The following SMARCAL1 variants were observed in gnomAD, a reference collection of about 807,000 sequenced individuals.
SMARCAL1 encodes the protein SNF2 related chromatin remodeling annealing helicase 1.
Under a neutral mutation model 94.5 loss-of-function variants are expected in SMARCAL1, and 58 were observed. The ratio of observed to expected loss-of-function variants is 0.61; its 90% confidence interval spans 0.50 to 0.76. The LOEUF is 0.76. Ranked by LOEUF, SMARCAL1 falls within the 30% of genes least tolerant of loss-of-function variation. SMARCAL1 has a pLI of 0.00. For missense variants in SMARCAL1, 1,051 were observed against 1,177.9 expected (o/e 0.89, Z 1.58); for synonymous variants, 422 against 455.1 (o/e 0.93, Z 0.93).
rs2066522 is a variant in SMARCAL1, at chr2:216,420,381, C to G, written c.945C>G (p.Ser315Arg). 46,970 of 1,614,134 alleles carry G rather than the reference C, an allele frequency of 0.029. 884 individuals carry two copies. The highest frequency in any genetic ancestry group is 0.083 in the African/African-American group (6,248 of 75,034). The change falls in exon 5 of 18, where the codon AGC becomes AGG. Residue 315 changes from serine to arginine, a missense_variant. Physicochemically the swap from Ser to Arg is moderately radical, Grantham distance 110. Around this residue, in one of 3 missense-constraint regions of SMARCAL1, gnomAD observed 398 missense variants for 395.2 expected, o/e 1.01. Transcript: ENST00000357276. ...AYGSSESPSTSSEGQAGLPSA... is the reference protein window; with the variant it reads ...AYGSSESPSTRSEGQAGLPSA... ...GCAGCAGCGAGTCACCCTCCACCAG[C>G]AGTGAGGGACAGGCCGGCCTTCCAT...
intron 7 of SMARCAL1, among the ~76,000 whole-genome samples, chr2:216,429,834 C>T (rs1433430895): frequency 6.6e-6 from 1 of 152,106 alleles, no homozygotes; most frequent in Non-Finnish European, 1.5e-5. Flanking sequence ...CATTTCCTTC[C>T]ATCTCTCTTA....
intron 12 of SMARCAL1, among the ~76,000 whole-genome samples, chr2:216,460,605 A>G (rs1453407499): frequency 2.2e-5 from 3 of 137,846 alleles, no homozygotes; most frequent in African/African-American, 7.7e-5. Flanking sequence ...CAAACACTGC[A>G]TGTTCTCACT....
chr2:216,469,853 A>C (rs2106079643), intron 14 of SMARCAL1, among the ~76,000 whole-genome samples: 1 of 152,322 alleles, frequency 6.6e-6, no homozygotes, highest in South Asian at 2.1e-4. Context: ...ACAACATATA[A>C]GGGTTCCTGC....
chr2:216,437,651 A>G (rs1478554625), intron 9 of SMARCAL1, among the ~76,000 whole-genome samples: 2 of 152,198 alleles, frequency 1.3e-5, no homozygotes, highest in Non-Finnish European at 2.9e-5. Flanking sequence ...ACAGCAAGGA[A>G]TTTGACTCTG....
intron 13 of SMARCAL1, among the ~76,000 whole-genome samples, chr2:216,465,237 T>C (rs1694807217): frequency 6.6e-6 from 1 of 152,286 alleles, no homozygotes; most frequent in South Asian, 2.1e-4. Flanking sequence ...GAGCGACTAC[T>C]AGGATGTACC....
chr2:216,464,144 AAGTCAGGTATAGTCAC>A (rs1316097359), intron 12 of SMARCAL1, among the ~76,000 whole-genome samples: 1 of 152,254 alleles, frequency 6.6e-6, no homozygotes, highest in Non-Finnish European at 1.5e-5. Context: ...TAAGCTCTGT[AAGTCAGGTATAGTCAC>A]AGCTTGGCAG....
At chr2:216,478,989 C>T (rs1229031627) in intron 17 of SMARCAL1, 1 of 152,958 alleles carries the variant, frequency 6.5e-6, no homozygotes, top group African/African-American at 2.4e-5. Context: ...TGCCTGGTTT[C>T]AGTGCTGCAG....
intron 12 of SMARCAL1, among the ~76,000 whole-genome samples, chr2:216,453,397 T>G (rs1694492270): frequency 6.6e-6 from 1 of 152,250 alleles, no homozygotes; most frequent in Non-Finnish European, 1.5e-5. Flanking sequence ...GAAATCAATT[T>G]TTATAATGGA....
At chr2:216,433,549 G>A (rs1456877815) in intron 8 of SMARCAL1, among the ~76,000 whole-genome samples, 1 of 152,102 alleles carries the variant, frequency 6.6e-6, no homozygotes, top group Non-Finnish European at 1.5e-5. Context: ...ATCTTGATGT[G>A]GCATCTTCTG....
At chr2:216,416,016 C>T in intron 3 of SMARCAL1, 2 of 480,332 alleles carry the variant, frequency 4.2e-6, no homozygotes, top group Non-Finnish European at 7.7e-6. Context: ...TAACTCTGCC[C>T]TCAGTCCTCT....
rs553868785 is a variant in SMARCAL1, at chr2:216,420,038, A to G, written c.863-261A>G. On this transcript the variant is annotated intron_variant, in intron 4 of 17. Coordinates refer to ENST00000357276, the MANE Select transcript of SMARCAL1 (RefSeq NM_014140.4). ...AGCAAGACCCCGTCTCAAAAAAAAA[A>G]AAAAAAAAAGAAAAAAAAAAAAGAA... Among the ~76,000 whole-genome samples the G allele has an allele frequency of 5.4e-5, 8 of 148,670 alleles. No individual in the cohort carries two copies. In the South Asian group the frequency reaches 1.3e-3, roughly 23 times the overall value.
chr2:216,480,110 C>T lies in SMARCAL1; in HGVS notation c.2625+1811C>T, dbSNP rs150584762. On this transcript the variant is annotated intron_variant, in intron 17 of 17. Transcript: ENST00000357276. ...GATTCTCACTTGAACTCATTTATTC[C>T]TCCTTGCCTTTCTCTTACTCTAAAT... Among the ~76,000 whole-genome samples, 5 of 152,230 alleles carry T rather than the reference C, an allele frequency of 3.3e-5. No homozygotes were observed. In the East Asian group the frequency reaches 9.6e-4, roughly 29 times the overall value.
At chr2:216,472,631 A>G (rs931110284) in intron 14 of SMARCAL1, among the ~76,000 whole-genome samples, 4 of 151,090 alleles carry the variant, frequency 2.6e-5, no homozygotes, top group African/African-American at 9.7e-5. Flanking sequence ...AATGGTTTTT[A>G]CATGTAAAGG....
intron 16 of SMARCAL1, 48 bp from the exon 17 acceptor site, chr2:216,478,155 G>A (rs2106089752): frequency 1.4e-6 from 2 of 1,445,892 alleles, no homozygotes; most frequent in East Asian, 2.3e-5. Context: ...CATTAGTCTG[G>A]TGGTTCTGTG....
Position 216,444,855 on chromosome 2 carries a change from T to C in SMARCAL1, c.1711-2163T>C, listed in dbSNP as rs1044907672. Among the ~76,000 whole-genome samples the C allele has an allele frequency of 3.3e-5, 5 of 152,168 alleles. No homozygotes were observed. In the East Asian group the frequency reaches 7.7e-4, roughly 23 times the overall value. The stretch of plus-strand genomic sequence containing the variant: ...AAAACTATGTATAGATTATCCACTT[T>C]CAATTACGACATTGAATTCTCTGTG... On this transcript the variant is annotated intron_variant, in intron 10 of 17. Coordinates refer to ENST00000357276, the MANE Select transcript of SMARCAL1 (RefSeq NM_014140.4).
At chr2:216,444,866 A>T (rs1000789917) in intron 10 of SMARCAL1, among the ~76,000 whole-genome samples, 1 of 152,094 alleles carries the variant, frequency 6.6e-6, no homozygotes, top group Non-Finnish European at 1.5e-5. Context: ...CAATTACGAC[A>T]TTGAATTCTC....
In SMARCAL1 at chr2:216,415,083, G is replaced by C. The variant is rs62178625; in HGVS notation, c.379G>C (p.Ala127Pro). 2.5e-4 allele frequency: 396 copies of C among 1,614,058 alleles called. No individual in the cohort carries two copies. Among genetic ancestry groups the C allele is most frequent in the Non-Finnish European group, 3.2e-4 (380 of 1,180,034 alleles). ...MALTGISPPL[A>P]QSPPEVPKQQ... ...TCTCACTGGAATCTCTCCTCCCTTG[G>C]CACAAAGTCCTCCAGAGGTCCCTAA... Residue 127 changes from alanine to proline, a missense_variant, in exon 3 of 18, where the codon GCA becomes CCA. Coordinates refer to ENST00000357276, the MANE Select transcript of SMARCAL1 (RefSeq NM_014140.4).
Position 216,482,669 on chromosome 2 carries a change from T to C in SMARCAL1, c.2626-69T>C, listed in dbSNP as rs888174181. 9.4e-6 allele frequency: 15 copies of C among 1,597,948 alleles called. No individual in the cohort carries two copies. The highest frequency in any genetic ancestry group is 2.7e-5 in the African/African-American group (2 of 74,622). On this transcript the variant is annotated intron_variant, in intron 17 of 17. Coordinates refer to ENST00000357276, the MANE Select transcript of SMARCAL1 (RefSeq NM_014140.4). This position sits in a 1 kb window ranked among gnomAD's most constrained non-coding sequence, Gnocchi z 4.3. ...CATCTTTATATTCTCTCATCAGCCC[T>C]AGTGGAGGAGAGTCAGTGTTGGAGC...
Position 216,428,635 on chromosome 2 carries a change from C to T in SMARCAL1, c.1187C>T (p.Pro396Leu). 1.9e-6 allele frequency: 3 copies of T among 1,614,176 alleles called. No homozygotes were observed. The highest frequency in any genetic ancestry group is 1.3e-5 in the African/African-American group (1 of 75,058). The change falls in exon 7 of 18, where the codon CCT (proline) becomes CTT (leucine). Residue 396 changes from proline to leucine, a missense_variant. Around this residue, in one of 3 missense-constraint regions of SMARCAL1, gnomAD observed 642 missense variants for 754.7 expected, o/e 0.85. Coordinates refer to ENST00000357276, the MANE Select transcript of SMARCAL1 (RefSeq NM_014140.4). ...VRCLPQVQLD[P>L]LPTTLTLAFA... is the part of the protein sequence containing the mutation. Reference sequence around the variant, plus strand: ...TGCCTCCCACAAGTTCAGCTGGACCCTCTGCCCACGACTCTCACCCTGGCG... The same window carrying T: ...TGCCTCCCACAAGTTCAGCTGGACCTTCTGCCCACGACTCTCACCCTGGCG...
Sources: gnomAD v4.1 joint callset for allele counts (sites outside exome capture counted in the v4.1 genomes callset) on GRCh38, gnomAD v4.1.1 for gene constraint, gnomAD v4.1.1 regional missense constraint, Gnocchi (gnomAD v3.1) non-coding constraint, MANE v1.5 for transcripts, NCBI Gene and HGNC (gene_info 2026-07-23, HGNC 2026-07-21) for gene names.